Variants in SPIN1 observed in about 807,000 individuals in gnomAD.
SPIN1 encodes the protein spindlin-1.
In SPIN1, 3 loss-of-function variants were observed where a neutral mutation model predicts 26.0. The ratio of observed to expected loss-of-function variants is 0.12; its 90% CI spans 0.05 to 0.30. SPIN1 has a LOEUF of 0.30. Ranked by LOEUF, SPIN1 falls within the 10% of genes least tolerant of loss-of-function variation. The probability of loss-of-function intolerance (pLI) is 1.00; values close to 1 mark genes in which losing one functional copy is unlikely to be tolerated. For synonymous variants in SPIN1, 101 were observed against 116.5 expected (o/e 0.87, Z 0.86); for missense variants, 126 against 333.4 (o/e 0.38, Z 4.84).
At chr9:88,473,498 C>A (rs1828830686) in intron 5 of SPIN1, among the ~76,000 whole-genome samples, 1 of 152,152 alleles carries the variant, frequency 6.6e-6, no homozygotes, top group South Asian at 2.1e-4. Flanking sequence ...TTTCTCCAAC[C>A]TGTATGAGGT....
intron 1 of SPIN1, among the ~76,000 whole-genome samples, chr9:88,404,957 GATCATCTGT>G (rs1262661245): frequency 6.6e-6 from 1 of 151,598 alleles, no homozygotes; most frequent in East Asian, 1.9e-4. Context: ...AGATACTCAG[GATCATCTGT>G]ATCACTGTCT....
intron 3 of SPIN1, chr9:88,457,827 ATG>A (rs2118170192): frequency 1.0e-6 from 1 of 981,720 alleles, no homozygotes; most frequent in Admixed American, 6.1e-5. Context: ...TGAGAAAAAA[ATG>A]TGAAAATACT....
At chr9:88,417,974 G>A (rs1037277381) in intron 1 of SPIN1, among the ~76,000 whole-genome samples, 8 of 152,208 alleles carry the variant, frequency 5.3e-5, no homozygotes, top group Admixed American at 5.2e-4. Flanking sequence ...AGGCAAAGAA[G>A]GAGTGTGGAA....
At chr9:88,460,607 CTAG>C (rs1397238004) in intron 3 of SPIN1, among the ~76,000 whole-genome samples, 2 of 152,200 alleles carry the variant, frequency 1.3e-5, no homozygotes, top group African/African-American at 4.8e-5. Flanking sequence ...TTCTGCAGGT[CTAG>C]AACCAGGGGA....
chr9:88,396,521 G>C (rs1012445843), intron 1 of SPIN1, among the ~76,000 whole-genome samples: 1 of 152,050 alleles, frequency 6.6e-6, no homozygotes, highest in Admixed American at 6.6e-5. Flanking sequence ...AGAATTGCTT[G>C]AACCTGGGAG....
At chr9:88,392,049 T>C (rs753293702) in intron 1 of SPIN1, among the ~76,000 whole-genome samples, 6 of 152,168 alleles carry the variant, frequency 3.9e-5, no homozygotes, top group Non-Finnish European at 8.8e-5. Context: ...ATAAAACCTA[T>C]GGTGTAAGTC....
chr9:88,392,321 G>T (rs1042067943), intron 1 of SPIN1, among the ~76,000 whole-genome samples: 1 of 152,104 alleles, frequency 6.6e-6, no homozygotes. Flanking sequence ...AGAACAAGTC[G>T]TGTTTGGCTA....
chr9:88,409,863 TACATGTCTTAGA>T (rs2117952931), intron 1 of SPIN1, among the ~76,000 whole-genome samples: 2 of 151,782 alleles, frequency 1.3e-5, no homozygotes, highest in African/African-American at 4.8e-5. Flanking sequence ...GAAATTGAGC[TACATGTCTTAGA>T]GCCTGGCAGC....
At chr9:88,394,295 A>C (rs1827004076) in intron 1 of SPIN1, among the ~76,000 whole-genome samples, 1 of 152,188 alleles carries the variant, frequency 6.6e-6, no homozygotes, top group South Asian at 2.1e-4. Flanking sequence ...CAAGATGTCT[A>C]AGGTTCACTT....
chr9:88,432,719 T>G (rs1206993044), intron 2 of SPIN1, among the ~76,000 whole-genome samples: 1 of 151,848 alleles, frequency 6.6e-6, no homozygotes, highest in Non-Finnish European at 1.5e-5. Flanking sequence ...GAACTCCTGA[T>G]CTTGTGATCT....
chr9:88,433,035 G>A (rs1419792909), intron 2 of SPIN1, among the ~76,000 whole-genome samples: 1 of 151,724 alleles, frequency 6.6e-6, no homozygotes, highest in African/African-American at 2.4e-5. Flanking sequence ...TCTCATACTT[G>A]TTTATTTCAT....
At chr9:88,415,445 A>G (rs1298606933) in intron 1 of SPIN1, among the ~76,000 whole-genome samples, 1 of 151,880 alleles carries the variant, frequency 6.6e-6, no homozygotes, top group Non-Finnish European at 1.5e-5. Flanking sequence ...ATTTTTTGAG[A>G]AAGGTCTTGC....
At chr9:88,438,983 TA>T (rs900307612) in intron 2 of SPIN1, among the ~76,000 whole-genome samples, 1 of 152,080 alleles carries the variant, frequency 6.6e-6, no homozygotes, top group African/African-American at 2.4e-5. Context: ...GGAAACACTT[TA>T]AAAAACCATC....
chr9:88,434,389 ATAGTT>A (rs1319439176), intron 2 of SPIN1, among the ~76,000 whole-genome samples: 2 of 111,136 alleles, frequency 1.8e-5, no homozygotes, highest in East Asian at 2.7e-4. Context: ...AAATTATAAA[ATAGTT>A]TATTTTATAA....
intron 1 of SPIN1, among the ~76,000 whole-genome samples, chr9:88,392,778 C>T (rs947953365): frequency 5.9e-5 from 9 of 152,120 alleles, no homozygotes; most frequent in African/African-American, 2.2e-4. Flanking sequence ...TTCATAGGCT[C>T]CTGGTGTACA....
chr9:88,394,504 T>C (rs1200280382), intron 1 of SPIN1, among the ~76,000 whole-genome samples: 2 of 152,244 alleles, frequency 1.3e-5, no homozygotes, highest in Non-Finnish European at 2.9e-5. Context: ...CACAGAGTTT[T>C]TACTATGAGC....
chr9:88,394,787 CTTTAG>C (rs1344103787), intron 1 of SPIN1, among the ~76,000 whole-genome samples: 3 of 141,140 alleles, frequency 2.1e-5, no homozygotes, highest in African/African-American at 8.0e-5. Context: ...TTAAGAATTG[CTTTAG>C]TTTTTTATTT....
At chr9:88,394,167 A>G (rs1373726787) in intron 1 of SPIN1, among the ~76,000 whole-genome samples, 1 of 152,164 alleles carries the variant, frequency 6.6e-6, no homozygotes, top group East Asian at 1.9e-4. Flanking sequence ...TGTTTTAATC[A>G]AATACTCACT....
At position 88,477,219 on chromosome 9, in the gene SPIN1, CCCAGAGT is replaced by C. The variant is rs1299781929; in HGVS notation, c.*1948_*1954del. 6.6e-6 allele frequency: 1 copy of C among 152,194 alleles called. No individual in the cohort carries two copies. Among genetic ancestry groups the C allele is most frequent in the Non-Finnish European group, 1.5e-5 (1 of 68,058 alleles). 9.4% of individuals were successfully genotyped at this position (152,194 alleles called of 1,614,324 possible). ...GTAAATCTCAAAGCTGAGCCTGGCT[CCCAGAGT>C]CCAGACTGACATTACAGCGCAAGAG... On this transcript the variant is annotated 3_prime_UTR_variant, in exon 6 of 6. Coordinates refer to ENST00000375859, the MANE Select transcript of SPIN1 (RefSeq NM_006717.3).
Sources: allele counts gnomAD v4.1 joint callset (sites outside exome capture counted in the v4.1 genomes callset), GRCh38; gene constraint gnomAD v4.1.1; transcripts MANE v1.5; gene names NCBI Gene and HGNC (gene_info 2026-07-23, HGNC 2026-07-21).